The following LRP1B variants were observed in gnomAD, a reference collection of about 807,000 sequenced individuals.
LRP1B encodes the protein LDL receptor related protein 1B.
A neutral mutation model predicts 556.6 loss-of-function variants in LRP1B; 217 were observed. The ratio of observed to expected loss-of-function variants is 0.39; its 90% CI spans 0.35 to 0.44. The LOEUF is 0.44. Ranked by LOEUF, LRP1B falls within the 20% of genes least tolerant of loss-of-function variation. LRP1B has a pLI of 1.00. For missense variants in LRP1B, 5,053 were observed against 5,620.8 expected (o/e 0.90, Z 3.23); for synonymous variants, 2,047 against 1,865.8 (o/e 1.10, Z -2.50).
At position 140,975,489 on chromosome 2, in the gene LRP1B, T is replaced by TAGGGAGTAACA. The variant is rs34282914; in HGVS notation, c.2887+6670_2887+6671insTGTTACTCCCT. ...CTCTGCCTGAAGAGCTAAAGTTATA[T>TAGGGAGTAACA]AAGCAGGACATAGTTTCCCCCCATT... On this transcript the variant is annotated intron_variant, in intron 18 of 90. Transcript: ENST00000389484. Among the ~76,000 whole-genome samples, 613 of 151,770 alleles carry TAGGGAGTAACA rather than the reference T, an allele frequency of 4.0e-3. 2 individuals carry two copies. The highest frequency in any genetic ancestry group is 6.8e-3 in the Non-Finnish European group (460 of 67,908).
At chr2:140,930,140 A>G (rs998816424) in intron 20 of LRP1B, among the ~76,000 whole-genome samples, 1 of 152,056 alleles carries the variant, frequency 6.6e-6, no homozygotes, top group African/African-American at 2.4e-5. Flanking sequence ...TCTTTGTAAT[A>G]GATAGCCGTT....
chr2:140,446,862 A>C (rs566245415), intron 63 of LRP1B, among the ~76,000 whole-genome samples: 6 of 152,266 alleles, frequency 3.9e-5, no homozygotes, highest in African/African-American at 1.4e-4. Context: ...TGTACAAAAA[A>C]AGAAACAACA....
At chr2:141,840,566 C>T (rs529152826) in intron 1 of LRP1B, among the ~76,000 whole-genome samples, 23 of 152,170 alleles carry the variant, frequency 1.5e-4, no homozygotes, top group Non-Finnish European at 2.9e-4. Flanking sequence ...ATTATTAGAA[C>T]AAATTTCATC....
Position 141,531,974 on chromosome 2 carries a change from T to C in LRP1B, c.206-51441A>G, listed in dbSNP as rs904771418. 3.3e-5 allele frequency among the ~76,000 whole-genome samples: 5 copies of C among 152,254 alleles called. No individual in the cohort carries two copies. The East Asian group carries it at 7.7e-4, about 24-fold the overall frequency. ...ATTAGAGTGTAACAAACTAGAAAAG[T>C]CACTGTTTGTGCTGCCTATTTTATC... On this transcript the variant is annotated intron_variant, in intron 2 of 90. Transcript: ENST00000389484.
chr2:141,418,109 A>T (rs1679983760), intron 3 of LRP1B, among the ~76,000 whole-genome samples: 1 of 152,036 alleles, frequency 6.6e-6, no homozygotes, highest in Non-Finnish European at 1.5e-5. Flanking sequence ...TTTGCTATTG[A>T]GTTGTATGAG....
intron 2 of LRP1B, among the ~76,000 whole-genome samples, chr2:141,523,586 A>G (rs1291507408): frequency 1.3e-5 from 2 of 152,170 alleles, no homozygotes; most frequent in Non-Finnish European, 2.9e-5. Flanking sequence ...AAACTGCACC[A>G]AGATAAAAAC....
At chr2:141,298,307 T>C (rs963290209) in intron 3 of LRP1B, among the ~76,000 whole-genome samples, 1 of 152,144 alleles carries the variant, frequency 6.6e-6, no homozygotes, top group African/African-American at 2.4e-5. Flanking sequence ...TCATGCCTGA[T>C]AGGAATGTCT....
intron 15 of LRP1B, among the ~76,000 whole-genome samples, chr2:141,001,122 G>A (rs760910537): frequency 6.6e-6 from 1 of 151,978 alleles, no homozygotes; most frequent in Non-Finnish European, 1.5e-5. Context: ...CCCTCCCCCT[G>A]TAACTTCCTA....
At chr2:140,871,510 G>A (rs769679960) in intron 25 of LRP1B, among the ~76,000 whole-genome samples, 7 of 152,114 alleles carry the variant, frequency 4.6e-5, no homozygotes, top group East Asian at 1.9e-4. Context: ...TGAAGCAAAC[G>A]TGAATCAAAG....
chr2:141,326,659 C>T (rs1218831839), intron 3 of LRP1B, among the ~76,000 whole-genome samples: 1 of 152,120 alleles, frequency 6.6e-6, no homozygotes, highest in East Asian at 1.9e-4. Flanking sequence ...GAATACTCCT[C>T]TCATGTAGTA....
rs542741032 is a variant in LRP1B at position 141,061,555 on chromosome 2, T to C, written c.1236+496A>G. ...TTTGACCTCCGTGACTTTCACAGAA[T>C]TCTCTTTTTAGGAAGTACTTGAATA... On this transcript the variant is annotated intron_variant, in intron 8 of 90. Coordinates refer to ENST00000389484, the MANE Select transcript of LRP1B (RefSeq NM_018557.3). 4.5e-4 allele frequency among the ~76,000 whole-genome samples: 68 copies of C among 151,906 alleles called. 1 individual carries two copies. The highest frequency in any genetic ancestry group is 1.5e-5 in the Non-Finnish European group (1 of 67,824).
At chr2:141,222,822 T>C (rs1683100101) in intron 6 of LRP1B, among the ~76,000 whole-genome samples, 1 of 152,144 alleles carries the variant, frequency 6.6e-6, no homozygotes, top group Admixed American at 6.6e-5. Context: ...GAAAAGGCCT[T>C]TGACAAAATT....
intron 20 of LRP1B, among the ~76,000 whole-genome samples, chr2:140,925,000 C>T (rs1214594258): frequency 6.6e-6 from 1 of 151,754 alleles, no homozygotes; most frequent in Admixed American, 6.6e-5. Context: ...AATAGGAATG[C>T]AACAATAAAA....
intron 3 of LRP1B, among the ~76,000 whole-genome samples, chr2:141,409,846 A>G (rs1042556707): frequency 2.0e-5 from 3 of 152,096 alleles, no homozygotes; most frequent in African/African-American, 7.2e-5. Context: ...TTTTAGCAGA[A>G]TAAAAGAAGG....
At chr2:142,039,561 C>A (rs1703996035) in intron 1 of LRP1B, among the ~76,000 whole-genome samples, 1 of 151,442 alleles carries the variant, frequency 6.6e-6, no homozygotes. Flanking sequence ...AGCCCCTACC[C>A]AAACACAAAC....
At position 140,288,655 on chromosome 2, in the gene LRP1B, A is replaced by T. The variant is rs1377205442; in HGVS notation, c.12967+9153T>A. 2.0e-5 allele frequency among the ~76,000 whole-genome samples: 3 copies of T among 151,850 alleles called. No homozygotes were observed. The Admixed American group carries it at 2.0e-4, about 10-fold the overall frequency. On this transcript the variant is annotated intron_variant, in intron 84 of 90. Transcript: ENST00000389484. ...TTTTGTTTTCAGGTAATTATTTGTG[A>T]ATCCATGCAGTTTACTTAACACCAA... is the stretch of plus-strand genomic sequence containing the variant.
At chr2:140,551,818 C>T (rs1680557975) in intron 43 of LRP1B, among the ~76,000 whole-genome samples, 1 of 152,114 alleles carries the variant, frequency 6.6e-6, no homozygotes, top group African/African-American at 2.4e-5. Flanking sequence ...TCACATTTTA[C>T]CAGAATTCAT....
intron 2 of LRP1B, among the ~76,000 whole-genome samples, chr2:141,807,842 G>T (rs1696213804): frequency 6.6e-6 from 1 of 152,028 alleles, no homozygotes; most frequent in South Asian, 2.1e-4. Context: ...ATCAATCAGG[G>T]TGAATACTGG....
intron 41 of LRP1B, among the ~76,000 whole-genome samples, chr2:140,680,073 G>T (rs774563385): frequency 6.6e-6 from 1 of 151,874 alleles, no homozygotes; most frequent in South Asian, 2.1e-4. Flanking sequence ...GACACCCTAC[G>T]TCTGATCCAA....
Sources: gnomAD v4.1 joint callset for allele counts (sites outside exome capture counted in the v4.1 genomes callset) on GRCh38, gnomAD v4.1.1 for gene constraint, MANE v1.5 for transcripts, NCBI Gene and HGNC (gene_info 2026-07-23, HGNC 2026-07-21) for gene names.